The following WNK4 variants were observed in gnomAD, a reference collection of about 807,000 sequenced individuals.
WNK4 encodes the protein WNK lysine deficient protein kinase 4.
In WNK4, 94 loss-of-function variants were observed where a neutral mutation model predicts 116.2. The ratio of observed to expected loss-of-function variants is 0.81; its 90% CI spans 0.68 to 0.96. WNK4 has a LOEUF of 0.96. Among genes scored for constraint, WNK4 ranks in the 40% least tolerant of loss-of-function variants. The pLI is 0.00. For synonymous variants in WNK4, 655 were observed against 672.7 expected (o/e 0.97, Z 0.41); for missense variants, 1,542 against 1,650.6 (o/e 0.93, Z 1.14).
Position 42,785,091 on chromosome 17 carries a change from C to A in WNK4, c.1171-6C>A. Reference sequence around the variant, plus strand: ...GACGGGAGGTGTCATGCAACCCCTTCCCCAGGGCAGAAAGCCGAACAGCTT... The same window carrying A: ...GACGGGAGGTGTCATGCAACCCCTTACCCAGGGCAGAAAGCCGAACAGCTT... On this transcript the variant is annotated splice_region_variant and splice_polypyrimidine_tract_variant and intron_variant, in intron 4 of 18. Coordinates refer to ENST00000246914, the MANE Select transcript of WNK4 (RefSeq NM_032387.5). 6.2e-7 allele frequency: 1 copy of A among 1,611,710 alleles called. No homozygotes were observed. Among genetic ancestry groups the A allele is most frequent in the Non-Finnish European group, 8.5e-7 (1 of 1,179,186 alleles).
At position 42,782,938 on chromosome 17, in the gene WNK4, C is replaced by T. The variant is rs769501971; in HGVS notation, c.791+8C>T. On this transcript the variant is annotated splice_region_variant and intron_variant, in intron 2 of 18. Transcript: ENST00000246914. This position sits in a 1 kb window ranked among gnomAD's most constrained non-coding sequence, Gnocchi z 4.2. The stretch of plus-strand genomic sequence containing the variant: ...CTCGGGCACGCTCAAGACGTGAGCT[C>T]TGCGCATGAGTGGGTGGGGAGAGGG... 1 of 1,613,726 alleles carries T rather than the reference C, an allele frequency of 6.2e-7. No individual in the cohort carries two copies. The highest frequency in any genetic ancestry group is 1.7e-5 in the Admixed American group (1 of 59,964).
Position 42,780,961 on chromosome 17 carries a change from A to T in WNK4, c.263A>T (p.Asp88Val). ...SPAPDPPDPP[D>V]SAGPGPARSP... is the part of the protein sequence containing the mutation. ...GCTCCGGACCCCCCCGATCCTCCGG[A>T]CTCCGCTGGTCCTGGCCCCGCGAGG... Residue 88 changes from aspartate (D) to valine (V), a missense_variant, in exon 1 of 19, where the codon GAC becomes GTC. This residue lies in a region of WNK4 where 243 missense variants were observed against 217.8 expected (regional missense o/e 1.12). Transcript: ENST00000246914. 6.2e-7 allele frequency: 1 copy of T among 1,609,874 alleles called. No homozygotes were observed. The highest frequency in any genetic ancestry group is 1.7e-4 in the Middle Eastern group (1 of 6,036).
chr17:42,793,422 C>T (rs1246608832), intron 11 of WNK4, among the ~76,000 whole-genome samples, 170 bp from the exon 12 acceptor site: 1 of 152,074 alleles, frequency 6.6e-6, no homozygotes, highest in Non-Finnish European at 1.5e-5. Context: ...GTTGGCCAGG[C>T]TGGTCTTAAA....
In WNK4 at chr17:42,780,823, G is replaced by A. The variant is rs374001790; in HGVS notation, c.125G>A (p.Arg42Gln). 2.5e-6 allele frequency: 4 copies of A among 1,601,258 alleles called. No individual in the cohort carries two copies. The highest frequency in any genetic ancestry group is 3.4e-6 in the Non-Finnish European group (4 of 1,178,024). The change falls in exon 1 of 19, where the codon CGA (arginine) becomes CAA (glutamine). Residue 42 changes from arginine to glutamine, a missense_variant. Transcript: ENST00000246914. ...GQPRLGPPPR[R>Q]ARRFSGKAEP... ...CCCCGCCTCGGGCCCCCTCCTCGCC[G>A]AGCGCGCCGCTTCTCCGGGAAGGCT...
At position 42,784,579 on chromosome 17, in the gene WNK4, G is replaced by C. The variant is rs148161064; in HGVS notation, c.1170G>C (p.Ser390=). 1 of 1,614,138 alleles carries C rather than the reference G, an allele frequency of 6.2e-7. No individual in the cohort carries two copies. The highest frequency in any genetic ancestry group is 1.1e-5 in the South Asian group (1 of 91,066). Residue 390 remains serine (S), a splice_region_variant and synonymous_variant, in exon 4 of 19, where the codon TCG becomes TCC. Coordinates refer to ENST00000246914, the MANE Select transcript of WNK4 (RefSeq NM_032387.5). The surrounding 1 kb of genome is among the most constrained non-coding windows in gnomAD (Gnocchi z 4.4). ...NAAQIYRKVT[S]GRKPNSFHKV... ...CGCAAATCTACCGCAAGGTCACTTC[G>C]GTGAGAGGGATGGGGCTGGCGGGAA...
Position 42,787,973 on chromosome 17 carries a change from T to A in WNK4, c.1863+74T>A, listed in dbSNP as rs1489545743. 1.9e-6 allele frequency: 3 copies of A among 1,603,782 alleles called. No homozygotes were observed. In the African/African-American group the frequency reaches 4.0e-5, roughly 21 times the overall value. On this transcript the variant is annotated intron_variant, in intron 8 of 18. Coordinates refer to ENST00000246914, the MANE Select transcript of WNK4 (RefSeq NM_032387.5). Reference sequence around the variant, plus strand: ...CTATCTCCCTCCTTGTGAAACCCAATCTCATGATCCAGTCCCATGTCCCTG... The same window carrying A: ...CTATCTCCCTCCTTGTGAAACCCAAACTCATGATCCAGTCCCATGTCCCTG...
At position 42,780,635 on chromosome 17, in the gene WNK4, G is replaced by C; in HGVS notation, c.-64G>C. 6.3e-7 allele frequency: 1 copy of C among 1,591,146 alleles called. No homozygotes were observed. The highest frequency in any genetic ancestry group is 1.1e-5 in the South Asian group (1 of 90,488). ...GGAGCGCAGCGCACCCAGCGAGTCC[G>C]TCTGTCAGGCCGCCTCCTCTCCGGC... On this transcript the variant is annotated 5_prime_UTR_variant, in exon 1 of 19. Coordinates refer to ENST00000246914, the MANE Select transcript of WNK4 (RefSeq NM_032387.5).
chr17:42,793,531 AG>A, intron 11 of WNK4, 60 bp from the exon 12 acceptor site: 1 of 1,607,576 alleles, frequency 6.2e-7, no homozygotes, highest in Non-Finnish European at 8.5e-7. Context: ...GATCAGAAGC[AG>A]GGGGAGAGGG....
At position 42,783,604 on chromosome 17, in the gene WNK4, C is replaced by T. The variant is rs574907911; in HGVS notation, c.792-333C>T. On this transcript the variant is annotated intron_variant, in intron 2 of 18. Coordinates refer to ENST00000246914, the MANE Select transcript of WNK4 (RefSeq NM_032387.5). ...TCCCCCTTTCACCTTTGAGCTCCTA[C>T]TCATCATTCAAGATGCAACACAAAA... The T allele has an allele frequency of 7.5e-6, 3 of 399,882 alleles. No individual in the cohort carries two copies. The East Asian group carries it at 1.7e-4, about 23-fold the overall frequency. The allele number at this position is 399,882 out of a possible 1,614,324, so 24.8% of individuals were successfully genotyped here. A position where few individuals can be genotyped will look rare whatever the true frequency, so the allele number is the denominator to read the frequency against.
Position 42,795,696 on chromosome 17 carries a change from C to G in WNK4, c.3094C>G (p.Gln1032Glu), listed in dbSNP as rs764034833. 6.2e-7 allele frequency: 1 copy of G among 1,613,320 alleles called. No homozygotes were observed. Among genetic ancestry groups the G allele is most frequent in the African/African-American group, 1.3e-5 (1 of 75,070 alleles). ...SKEPAEPLPL[Q>E]PTSPTLSGSP... ...GGAACCGGCTGAGCCTCTTCCCTTG[C>G]AGCCAACATCCCCCACTCTCTCTGG... The change falls in exon 16 of 19, where the codon CAG becomes GAG. Residue 1032 changes from glutamine (Q) to glutamate (E), a missense_variant. Around this residue, in one of 7 missense-constraint regions of WNK4, gnomAD observed 292 missense variants for 290.1 expected, o/e 1.01. Coordinates refer to ENST00000246914, the MANE Select transcript of WNK4 (RefSeq NM_032387.5).
Position 42,785,305 on chromosome 17 carries a change from C to G in WNK4, c.1299C>G (p.Arg433=), listed in dbSNP as rs2054533790. The G allele has an allele frequency of 1.9e-6, 3 of 1,611,870 alleles. No individual in the cohort carries two copies. Among genetic ancestry groups the G allele is most frequent in the Non-Finnish European group, 1.7e-6 (2 of 1,179,118 alleles). The change falls in exon 6 of 19, where the codon CGC becomes CGG. Residue 433 remains arginine, a synonymous_variant. Coordinates refer to ENST00000246914, the MANE Select transcript of WNK4 (RefSeq NM_032387.5). ...IQDLLAHAFF[R]EERGVHVELA... Reference sequence around the variant, plus strand: ...ACCTCCTGGCCCACGCCTTCTTCCGCGAGGAGCGCGGTGTGCACGTGGAAC... The same window carrying G: ...ACCTCCTGGCCCACGCCTTCTTCCGGGAGGAGCGCGGTGTGCACGTGGAAC...
intron 2 of WNK4, among the ~76,000 whole-genome samples, chr17:42,783,346 T>C (rs971509860): frequency 6.6e-6 from 1 of 152,178 alleles, no homozygotes; most frequent in African/African-American, 2.4e-5. Context: ...CTTTCCCAGT[T>C]GAAAATCTGA....
Position 42,785,093 on chromosome 17 carries a change from C to G in WNK4, c.1171-4C>G. ...CGGGAGGTGTCATGCAACCCCTTCC[C>G]CAGGGCAGAAAGCCGAACAGCTTCC... On this transcript the variant is annotated splice_region_variant and splice_polypyrimidine_tract_variant and intron_variant, in intron 4 of 18. Coordinates refer to ENST00000246914, the MANE Select transcript of WNK4 (RefSeq NM_032387.5). 1 of 1,612,184 alleles carries G rather than the reference C, an allele frequency of 6.2e-7. No homozygotes were observed. Among genetic ancestry groups the G allele is most frequent in the Non-Finnish European group, 8.5e-7 (1 of 1,179,362 alleles).
chr17:42,790,278 AT>A (rs888206616), intron 11 of WNK4, among the ~76,000 whole-genome samples: 2 of 152,166 alleles, frequency 1.3e-5, no homozygotes, highest in African/African-American at 4.8e-5. Context: ...CTCAATAAAT[AT>A]TTGCTGAGTT....
At position 42,796,003 on chromosome 17, in the gene WNK4, T is replaced by C; in HGVS notation, c.3401T>C (p.Phe1134Ser). The C allele has an allele frequency of 6.2e-7, 1 of 1,613,628 alleles. No homozygotes were observed. Among genetic ancestry groups the C allele is most frequent in the Non-Finnish European group, 8.5e-7 (1 of 1,179,974 alleles). ...ESESSGEDEE[F>S]WAELQSLRQK... The stretch of plus-strand genomic sequence containing the variant: ...GAAAGCAGTGGGGAAGATGAGGAGT[T>C]CTGGGCTGAGCTGCAGAGTCTTCGG... Residue 1134 changes from phenylalanine to serine, a missense_variant, in exon 16 of 19, where the codon TTC becomes TCC. Coordinates refer to ENST00000246914, the MANE Select transcript of WNK4 (RefSeq NM_032387.5).
At chr17:42,781,466 T>C in intron 1 of WNK4, 150 bp downstream of exon 1, 2 of 1,116,286 alleles carry the variant, frequency 1.8e-6, no homozygotes, top group Non-Finnish European at 1.3e-6. Flanking sequence ...TTGCCCTGAA[T>C]GATCTGGCTG....
chr17:42,782,194 T>C lies in WNK4; in HGVS notation c.619-564T>C, dbSNP rs1406942345. Among the ~76,000 whole-genome samples, 4 of 150,674 alleles carry C rather than the reference T, an allele frequency of 2.7e-5. No individual in the cohort carries two copies. Among genetic ancestry groups the C allele is most frequent in the African/African-American group, 4.9e-5 (2 of 40,940 alleles). On this transcript the variant is annotated intron_variant, in intron 1 of 18. Coordinates refer to ENST00000246914, the MANE Select transcript of WNK4 (RefSeq NM_032387.5). This position sits in a 1 kb window ranked among gnomAD's most constrained non-coding sequence, Gnocchi z 4.2. ...GGCCAGGCCAGGAGAGGCAGCCAAA[T>C]TGGGGGGTGAGGGGAGGGAGAGGAG...
Position 42,796,965 on chromosome 17 carries a change from A to G in WNK4, c.*277A>G, listed in dbSNP as rs1409082310. 3.4e-6 allele frequency: 2 copies of G among 590,886 alleles called. No homozygotes were observed. The highest frequency in any genetic ancestry group is 1.9e-5 in the African/African-American group (1 of 53,438). The allele number at this position is 590,886 out of a possible 1,614,324, so 36.6% of individuals were successfully genotyped here. A position where few individuals can be genotyped will look rare whatever the true frequency, so the allele number is the denominator to read the frequency against. On this transcript the variant is annotated 3_prime_UTR_variant, in exon 19 of 19. Transcript: ENST00000246914. Reference sequence around the variant, plus strand: ...AGTCAACCACTAAGCAATCCCACCCAAGCCTGGATGCTTCTAGAGGGGCCC... The same window carrying G: ...AGTCAACCACTAAGCAATCCCACCCGAGCCTGGATGCTTCTAGAGGGGCCC...
Position 42,795,453 on chromosome 17 carries a change from C to G in WNK4, c.2962-8C>G. 6.2e-7 allele frequency: 1 copy of G among 1,614,226 alleles called. No individual in the cohort carries two copies. The highest frequency in any genetic ancestry group is 8.5e-7 in the Non-Finnish European group (1 of 1,180,050). ...ACTCTTCCCTTCTCATGGCCCCCCA[C>G]TTTCTAGGCCTCACCACCTCCTGCT... is the stretch of plus-strand genomic sequence containing the variant. On this transcript the variant is annotated splice_region_variant and splice_polypyrimidine_tract_variant and intron_variant, in intron 14 of 18. Coordinates refer to ENST00000246914, the MANE Select transcript of WNK4 (RefSeq NM_032387.5).
Sources: gnomAD v4.1 joint callset for allele counts (sites outside exome capture counted in the v4.1 genomes callset) on GRCh38, gnomAD v4.1.1 for gene constraint, gnomAD v4.1.1 regional missense constraint, Gnocchi (gnomAD v3.1) non-coding constraint, MANE v1.5 for transcripts, NCBI Gene and HGNC (gene_info 2026-07-23, HGNC 2026-07-21) for gene names.